Variants in CCND3 observed in about 807,000 individuals in gnomAD.
CCND3 encodes cyclin D3.
A neutral mutation model predicts 28.7 loss-of-function variants in CCND3; 9 were observed. That is an observed-to-expected ratio of 0.31 (90% CI 0.19 to 0.55). The LOEUF (loss-of-function observed/expected upper bound fraction) is 0.55, where lower values mean the gene tolerates loss of function less well. Among genes scored for constraint, CCND3 ranks in the 20% least tolerant of loss-of-function variants. The pLI is 0.93. For synonymous variants in CCND3, 164 were observed against 163.9 expected, an observed-to-expected ratio of 1.00 and a Z score of 0.00; for missense variants, 315 against 385.8, an observed-to-expected ratio of 0.82 and a Z score of 1.54.
In CCND3 at chr6:41,940,588, G is replaced by A. The variant is rs759530934; in HGVS notation, c.199-3C>T. The A allele has an allele frequency of 2.2e-5, 35 of 1,609,176 alleles. No individual in the cohort carries two copies. The highest frequency in any genetic ancestry group is 5.3e-5 in the African/African-American group (4 of 74,770). On this transcript the variant is annotated splice_polypyrimidine_tract_variant and splice_region_variant and intron_variant, in intron 1 of 4. Transcript: ENST00000372991. ...TCACAGCGCTGCTCCTCACATACCT[G>A]GGGGAGGGCGCACAGTCACTGCTGG...
chr6:41,996,144 T>A (rs1384471604), intron 1 of CCND3, among the ~76,000 whole-genome samples: 13 of 137,810 alleles, frequency 9.4e-5, no homozygotes, highest in East Asian at 4.2e-4. Flanking sequence ...ATATATTTTT[T>A]TTGTTTGTTT....
At chr6:42,017,166 C>A (rs1763545473) in intron 1 of CCND3, among the ~76,000 whole-genome samples, 1 of 152,194 alleles carries the variant, frequency 6.6e-6, no homozygotes, top group South Asian at 2.1e-4. Context: ...CCACCTCTGT[C>A]CCTCACTGTG....
rs533970799 is a variant in CCND3 at position 41,992,833 on chromosome 6, C to T, written c.-45-52248G>A. ...TATCATGGCTCACTGCAATCTCGTC[C>T]TCCCTCAAGCAATCCTCCTGTCTCA... On this transcript the variant is annotated intron_variant, in intron 1 of 4. Transcript: ENST00000372988. 1.3e-5 allele frequency among the ~76,000 whole-genome samples: 2 copies of T among 152,046 alleles called. 1 individual carries two copies. Among genetic ancestry groups the T allele is most frequent in the South Asian group, 4.2e-4 (2 of 4,816 alleles).
chr6:41,974,787 C>T (rs1762127143), intron 1 of CCND3, among the ~76,000 whole-genome samples: 1 of 130,892 alleles, frequency 7.6e-6, no homozygotes, highest in Admixed American at 9.0e-5. Flanking sequence ...CAATTCCCCA[C>T]AGTTCTTTTT....
Position 41,936,909 on chromosome 6 carries a change from G to A in CCND3, c.575-214C>T, listed in dbSNP as rs746223661. 3.3e-6 allele frequency: 2 copies of A among 603,814 alleles called. No homozygotes were observed. Among genetic ancestry groups the A allele is most frequent in the Non-Finnish European group, 5.8e-6 (2 of 343,474 alleles). 37.4% of individuals were successfully genotyped at this position (603,814 alleles called of 1,614,324 possible). On this transcript the variant is annotated intron_variant, in intron 3 of 4. Transcript: ENST00000372991. The surrounding 1 kb of genome is among the most constrained non-coding windows in gnomAD (Gnocchi z 4.4). ...TCAGAACCAACTGCCAGTTTCCATA[G>A]GTCCCGGGAATAGACAAGACACTCC...
rs758582662 is a variant in CCND3, at chr6:41,988,699, C to CT, written c.-45-48115dup. On this transcript the variant is annotated intron_variant, in intron 1 of 4. Transcript: ENST00000372988. ...ATAATTGATAAGCTGAACTTCTTTT[C>CT]TTTTTTTTTTTTTTTTTGAGACGGA... Among the ~76,000 whole-genome samples the CT allele has an allele frequency of 4.1e-4, 40 of 96,708 alleles. 2 individuals are homozygous for CT. Among genetic ancestry groups the CT allele is most frequent in the African/African-American group, 1.2e-3 (37 of 29,790 alleles). The allele number at this position is 96,708 out of a possible 152,430, so 63.4% of individuals were successfully genotyped here.
intron 1 of CCND3, among the ~76,000 whole-genome samples, chr6:41,991,061 CTT>C (rs574845287): frequency 1.4e-5 from 2 of 142,354 alleles, no homozygotes; most frequent in Non-Finnish European, 1.5e-5. Context: ...GCTGGGAAAA[CTT>C]TTTTTTTTTT....
At chr6:41,976,498 C>A (rs997991718) in intron 1 of CCND3, among the ~76,000 whole-genome samples, 3 of 151,894 alleles carry the variant, frequency 2.0e-5, no homozygotes, top group African/African-American at 7.3e-5. Flanking sequence ...ATGAAAACTT[C>A]AAAAATTAGC....
chr6:41,995,077 T>C (rs981887924), intron 1 of CCND3, among the ~76,000 whole-genome samples: 3 of 151,792 alleles, frequency 2.0e-5, no homozygotes, highest in Admixed American at 6.6e-5. Context: ...GTCTCAAAAA[T>C]AGATAAACAA....
chr6:41,947,820 C>T (rs1776207859), intron 1 of CCND3, among the ~76,000 whole-genome samples: 1 of 152,126 alleles, frequency 6.6e-6, no homozygotes, highest in Non-Finnish European at 1.5e-5. Flanking sequence ...GTGGTAGCCT[C>T]CTGCCGGGTC....
At chr6:41,960,207 G>C (rs1357157871) in intron 1 of CCND3, among the ~76,000 whole-genome samples, 1 of 152,154 alleles carries the variant, frequency 6.6e-6, no homozygotes, top group African/African-American at 2.4e-5. Flanking sequence ...ACAGAAAGCA[G>C]ATTCATGGTT....
At chr6:42,046,081 T>C (rs1252919385) in intron 1 of CCND3, among the ~76,000 whole-genome samples, 1 of 152,140 alleles carries the variant, frequency 6.6e-6, no homozygotes, top group Non-Finnish European at 1.5e-5. Context: ...CCAGCATCAA[T>C]ACCCATGCCC....
At chr6:41,960,686 T>G (rs1226946118) in intron 1 of CCND3, among the ~76,000 whole-genome samples, 1 of 152,206 alleles carries the variant, frequency 6.6e-6, no homozygotes, top group Non-Finnish European at 1.5e-5. Flanking sequence ...ATATTTACAT[T>G]GGCAAAAATC....
At chr6:41,996,623 T>C (rs1762815021) in intron 1 of CCND3, among the ~76,000 whole-genome samples, 1 of 151,982 alleles carries the variant, frequency 6.6e-6, no homozygotes, top group South Asian at 2.1e-4. Flanking sequence ...TTATTACCGG[T>C]GTAGTTAACA....
chr6:42,048,917 G>C lies in CCND3; in HGVS notation c.-462C>G, dbSNP rs1386238652. On this transcript the variant is annotated 5_prime_UTR_variant, in exon 1 of 5. Coordinates refer to the CCND3 transcript ENST00000372988. This position sits in a 1 kb window ranked among gnomAD's most constrained non-coding sequence, Gnocchi z 4.7. Reference sequence around the variant, plus strand: ...GGTGCGGGGGCGGGGCGCCACGGAGGCTCAGGTGTGGGCGGCGGGGCCGGG... The same window carrying C: ...GGTGCGGGGGCGGGGCGCCACGGAGCCTCAGGTGTGGGCGGCGGGGCCGGG... 1 of 252,530 alleles carries C rather than the reference G, an allele frequency of 4.0e-6. No homozygotes were observed. Among genetic ancestry groups the C allele is most frequent in the Non-Finnish European group, 7.7e-6 (1 of 129,848 alleles). 15.6% of individuals were successfully genotyped at this position (252,530 alleles called of 1,614,324 possible).
intron 1 of CCND3, among the ~76,000 whole-genome samples, chr6:41,952,841 CGTG>C (rs1776347211): frequency 6.9e-6 from 1 of 145,978 alleles, no homozygotes; most frequent in Non-Finnish European, 1.5e-5. Flanking sequence ...TGACATGAAA[CGTG>C]GGATTTCATC....
chr6:42,029,862 CTCACTGG>C (rs1171957390), intron 1 of CCND3: 57 of 150,632 alleles, frequency 3.8e-4, no homozygotes, highest in African/African-American at 1.4e-3. Context: ...AAAAATTCCT[CTCACTGG>C]GCACTGGGGA....
intron 1 of CCND3, among the ~76,000 whole-genome samples, chr6:42,018,079 G>A (rs548651806): frequency 3.9e-5 from 6 of 152,064 alleles, no homozygotes; most frequent in African/African-American, 1.4e-4. Flanking sequence ...AACCTGGGAG[G>A]TGGAGGTTGC....
upstream of CCND3, among the ~76,000 whole-genome samples, chr6:41,946,618 A>T (rs1327396416): frequency 6.7e-6 from 1 of 149,948 alleles, no homozygotes; most frequent in Non-Finnish European, 1.5e-5. Flanking sequence ...AAAAAAAAAA[A>T]AAAAAAGCAG....
Sources: allele counts gnomAD v4.1 joint callset (sites outside exome capture counted in the v4.1 genomes callset), GRCh38; gene constraint gnomAD v4.1.1; non-coding constraint Gnocchi (gnomAD v3.1); transcripts MANE v1.5; gene names NCBI Gene and HGNC (gene_info 2026-07-23, HGNC 2026-07-21).